The following FOXP2 variants were observed in gnomAD, a reference collection of about 807,000 sequenced individuals.
FOXP2 encodes forkhead box P2, also known as forkhead box protein P2.
A neutral mutation model predicts 115.8 loss-of-function variants in FOXP2; 12 were observed. The ratio of observed to expected loss-of-function variants is 0.10; its 90% CI spans 0.07 to 0.17. The LOEUF (loss-of-function observed/expected upper bound fraction) is 0.17. FOXP2 is among the 10% of genes least tolerant of loss of function. The probability of loss-of-function intolerance (pLI) is 1.00; values close to 1 mark genes in which losing one functional copy is unlikely to be tolerated. For missense variants in FOXP2, 629 were observed against 843.5 expected, an observed-to-expected ratio of 0.75 and a Z score of 3.15; for synonymous variants, 328 against 297.7, an observed-to-expected ratio of 1.10 and a Z score of -1.05.
chr7:114,280,883 A>G (rs972839370), intron 1 of FOXP2, among the ~76,000 whole-genome samples: 1 of 152,094 alleles, frequency 6.6e-6, no homozygotes, highest in African/African-American at 2.4e-5. Flanking sequence ...TGCTTACATG[A>G]TATCACATTT....
Position 114,516,696 on chromosome 7 carries a change from GTTTTTTGT to G in FOXP2, c.169-17914_169-17907del, listed in dbSNP as rs564294432. 2.4e-3 allele frequency among the ~76,000 whole-genome samples: 356 copies of G among 150,222 alleles called. 2 individuals carry two copies. The highest frequency in any genetic ancestry group is 7.8e-3 in the African/African-American group (319 of 40,640). On this transcript the variant is annotated intron_variant, in intron 2 of 16. Transcript: ENST00000350908. Reference sequence around the variant, plus strand: ...TTTTGTTCTTTGTTTTTTGTTTTTTGTTTTTTGTTTTTTTTTTGAGACAGAGTCTCACA... The same window carrying G: ...TTTTGTTCTTTGTTTTTTGTTTTTTGTTTTTTTTTGAGACAGAGTCTCACA...
At chr7:114,094,194 A>G (rs1465179828) in intron 1 of FOXP2, among the ~76,000 whole-genome samples, 1 of 152,148 alleles carries the variant, frequency 6.6e-6, no homozygotes, top group East Asian at 1.9e-4. Flanking sequence ...AACAGACCAG[A>G]TTAAAGATTT....
At chr7:114,258,897 G>A (rs1171070585) in intron 1 of FOXP2, among the ~76,000 whole-genome samples, 3 of 152,102 alleles carry the variant, frequency 2.0e-5, no homozygotes, top group African/African-American at 7.2e-5. Context: ...GAAAACCTGG[G>A]TAAACTATTA....
At chr7:114,646,530 T>C (rs1805905848) in intron 8 of FOXP2, among the ~76,000 whole-genome samples, 1 of 152,052 alleles carries the variant, frequency 6.6e-6, no homozygotes, top group South Asian at 2.1e-4. Context: ...CAATTAAATA[T>C]CAACTTTGGT....
chr7:114,491,817 A>G (rs1421263511), intron 2 of FOXP2, among the ~76,000 whole-genome samples: 1 of 152,136 alleles, frequency 6.6e-6, no homozygotes, highest in Non-Finnish European at 1.5e-5. Context: ...GTTTGCCAGT[A>G]TTTTATTGAG....
chr7:114,317,560 C>T (rs559056914), intron 2 of FOXP2, among the ~76,000 whole-genome samples: 2 of 152,148 alleles, frequency 1.3e-5, no homozygotes, highest in South Asian at 2.1e-4. Context: ...CCACCATCAC[C>T]TCCTGCCTAG....
chr7:114,654,844 A>T (rs1005207505), intron 10 of FOXP2, among the ~76,000 whole-genome samples: 2 of 152,098 alleles, frequency 1.3e-5, no homozygotes, highest in Non-Finnish European at 2.9e-5. Flanking sequence ...TTAGGTAAAA[A>T]ACGAACATTT....
intron 3 of FOXP2, among the ~76,000 whole-genome samples, chr7:114,622,276 T>A (rs1025544377): frequency 1.2e-4 from 18 of 151,948 alleles, no homozygotes; most frequent in Admixed American, 2.0e-4. Context: ...CCACCATTCC[T>A]CTCTATTCAC....
At chr7:114,175,368 A>G (rs1017946931) in intron 1 of FOXP2, among the ~76,000 whole-genome samples, 2 of 152,060 alleles carry the variant, frequency 1.3e-5, no homozygotes, top group African/African-American at 4.8e-5. Context: ...GGAGTTGACA[A>G]CTCGACTCAT....
At chr7:114,439,064 A>G (rs987542560) in intron 2 of FOXP2, among the ~76,000 whole-genome samples, 1 of 152,186 alleles carries the variant, frequency 6.6e-6, no homozygotes, top group Non-Finnish European at 1.5e-5. Flanking sequence ...GTACCTTGGT[A>G]TAAATTAATT....
chr7:114,153,969 G>A (rs1164602419), intron 1 of FOXP2, among the ~76,000 whole-genome samples: 1 of 152,104 alleles, frequency 6.6e-6, no homozygotes, highest in East Asian at 1.9e-4. Context: ...GCAGATGGAA[G>A]CATGGAGATA....
At chr7:114,578,397 G>A (rs28666504) in intron 3 of FOXP2, among the ~76,000 whole-genome samples, 1 of 151,876 alleles carries the variant, frequency 6.6e-6, no homozygotes, top group South Asian at 2.1e-4. Context: ...AGAGCTAAAA[G>A]GGGCCTTATA....
At chr7:114,411,022 T>C (rs559138255), upstream of FOXP2, among the ~76,000 whole-genome samples, 74 of 152,168 alleles carry the variant, frequency 4.9e-4, no homozygotes, top group African/African-American at 1.7e-3. Flanking sequence ...TCAGCGAACT[T>C]AGTGTTTGGG....
At chr7:114,310,931 G>C (rs1259744090) in intron 2 of FOXP2, among the ~76,000 whole-genome samples, 2 of 152,138 alleles carry the variant, frequency 1.3e-5, no homozygotes, top group African/African-American at 4.8e-5. Flanking sequence ...CTTTTGACTT[G>C]AGCCTTTATA....
intron 2 of FOXP2, among the ~76,000 whole-genome samples, chr7:114,394,975 T>TCC (rs1452548682): frequency 6.7e-6 from 1 of 149,122 alleles, no homozygotes; most frequent in Non-Finnish European, 1.5e-5. Context: ...TTTCCAGATT[T>TCC]TGATAGTACC....
intron 1 of FOXP2, among the ~76,000 whole-genome samples, chr7:114,173,124 G>T (rs543582314): frequency 2.6e-5 from 4 of 151,730 alleles, no homozygotes; most frequent in African/African-American, 7.3e-5. Context: ...AATTGTTCAT[G>T]GTTTCTTTCC....
At chr7:114,232,236 G>A (rs1794896642) in intron 1 of FOXP2, among the ~76,000 whole-genome samples, 1 of 152,166 alleles carries the variant, frequency 6.6e-6, no homozygotes, top group African/African-American at 2.4e-5. Context: ...AGGAAATGGA[G>A]AAATTGGAAC....
intron 2 of FOXP2, among the ~76,000 whole-genome samples, chr7:114,523,754 AT>A (rs1409498874): frequency 6.6e-6 from 1 of 152,090 alleles, no homozygotes; most frequent in East Asian, 1.9e-4. Flanking sequence ...TCCTTTTGCT[AT>A]CCATTAATAA....
intron 7 of FOXP2, among the ~76,000 whole-genome samples, 156 bp downstream of exon 7, chr7:114,642,779 A>ATAT: frequency 1.1e-5 from 1 of 91,184 alleles, no homozygotes; most frequent in East Asian, 6.6e-4. Flanking sequence ...TTTTATATAT[A>ATAT]ATATATATAT....
Sources: gnomAD v4.1 joint callset for allele counts (sites outside exome capture counted in the v4.1 genomes callset) on GRCh38, gnomAD v4.1.1 for gene constraint, MANE v1.5 for transcripts, NCBI Gene and HGNC (gene_info 2026-07-23, HGNC 2026-07-21) for gene names.